The following KRT17 variants were observed in gnomAD, a reference collection of about 807,000 sequenced individuals.
The protein encoded by KRT17 is keratin 17.
In KRT17, 29 loss-of-function variants were observed where a neutral mutation model predicts 45.6. That is an observed-to-expected ratio of 0.64 (90% CI 0.47 to 0.87). KRT17 has a LOEUF of 0.87. Among genes scored for constraint, KRT17 ranks in the 40% least tolerant of loss-of-function variants. The pLI is 0.00. For missense variants in KRT17, 536 were observed against 577.8 expected (o/e 0.93, Z 0.74); for synonymous variants, 219 against 234.6 (o/e 0.93, Z 0.61).
At position 41,624,545 on chromosome 17, in the gene KRT17, G is replaced by T. The variant is rs1274840027; in HGVS notation, c.-36C>A. On this transcript the variant is annotated 5_prime_UTR_variant, in exon 1 of 8. Coordinates refer to ENST00000311208, the MANE Select transcript of KRT17 (RefSeq NM_000422.3). ...GCAGGAGGCAGGCACACAGGAGAAGGGCTGGAGAGGAGAGGGGCCCCAAGT... is the reference window on the plus strand; with the variant it reads ...GCAGGAGGCAGGCACACAGGAGAAGTGCTGGAGAGGAGAGGGGCCCCAAGT... The T allele has an allele frequency of 6.3e-7, 1 of 1,594,264 alleles. No individual in the cohort carries two copies. Among genetic ancestry groups the T allele is most frequent in the Non-Finnish European group, 8.6e-7 (1 of 1,167,482 alleles).
intron 1 of KRT17, chr17:41,623,391 G>A: frequency 1.3e-5 from 4 of 312,178 alleles, no homozygotes; most frequent in Non-Finnish European, 2.5e-5. Context: ...TCGTTTTACA[G>A]TCAGCTAGAG....
intron 2 of KRT17, among the ~76,000 whole-genome samples, chr17:41,622,718 C>T (rs1908584470): frequency 1.3e-5 from 2 of 152,204 alleles, no homozygotes; most frequent in South Asian, 2.1e-4. Context: ...TTCTCTCTGC[C>T]TCCCGCCTCC....
chr17:41,622,938 G>A lies in KRT17; in HGVS notation c.515+12C>T, dbSNP rs755344152. ...CTGGCCCAGGCTGCCCAAGGCCACA[G>A]CTAGGACTCACTTGGTGCGGAAGTC... On this transcript the variant is annotated intron_variant, in intron 2 of 7. Coordinates refer to ENST00000311208, the MANE Select transcript of KRT17 (RefSeq NM_000422.3). 3.7e-6 allele frequency: 6 copies of A among 1,609,812 alleles called. No homozygotes were observed. In the East Asian group the frequency reaches 1.3e-4, roughly 36 times the overall value.
rs765677970 is a variant in KRT17, at chr17:41,624,105, G to A, written c.405C>T (p.Tyr135=). The A allele has an allele frequency of 5.6e-6, 9 of 1,612,016 alleles. No individual in the cohort carries two copies. The South Asian group carries it at 6.6e-5, about 12-fold the overall frequency. Residue 135 remains tyrosine (Y), a synonymous_variant, in exon 1 of 8, where the codon TAC becomes TAT. Transcript: ENST00000311208. ...TGTTCTGCAGCTCCTCAATTGTCCT[G>A]TAGTACTGGCTGTAGTCACGGGCGG... ...PGPARDYSQY[Y]RTIEELQNKI...
At position 41,621,751 on chromosome 17, in the gene KRT17, T is replaced by C. The variant is rs1268334462; in HGVS notation, c.676A>G (p.Met226Val). 2 of 1,611,990 alleles carry C rather than the reference T, an allele frequency of 1.2e-6. No homozygotes were observed. Among genetic ancestry groups the C allele is most frequent in the Non-Finnish European group, 1.7e-6 (2 of 1,179,852 alleles). ...AYLKKNHEEE[M>V]NALRGQVGGE... ...CCCACCTGGCCTCGCAGGGCGTTCA[T>C]CTCCTATGGAAAAAGGGGATGTGGA... Residue 226 changes from methionine to valine, a missense_variant, in exon 4 of 8, where the codon ATG (methionine) becomes GTG (valine). Physicochemically the swap from Met to Val is conservative, Grantham distance 21 (BLOSUM62 1). Transcript: ENST00000311208.
At position 41,622,436 on chromosome 17, in the gene KRT17, C is replaced by T. The variant is rs1908574209; in HGVS notation, c.591G>A (p.Leu197=). 1 of 1,614,106 alleles carries T rather than the reference C, an allele frequency of 6.2e-7. No homozygotes were observed. Among genetic ancestry groups the T allele is most frequent in the Non-Finnish European group, 8.5e-7 (1 of 1,180,046 alleles). The change falls in exon 3 of 8, where the codon CTG becomes CTA. Residue 197 remains leucine (L), a synonymous_variant. Transcript: ENST00000311208. ...TCTCCAGGTCGGCTCTGGCCAGGGT[C>T]AGCTCATCCAGCACCCTGCGCAGGC... The part of the protein sequence containing the change: ...INGLRRVLDE[L]TLARADLEMQ...
chr17:41,623,272 G>T, intron 1 of KRT17: 1 of 486,596 alleles, frequency 2.1e-6, no homozygotes. Context: ...TAAAGGAGAA[G>T]AGACAGCTGG....
Position 41,620,706 on chromosome 17 carries a change from C to T in KRT17, c.1134G>A (p.Glu378=). ...KILLDVKTRL[E]QEIATYRRLL... is the part of the protein sequence containing the mutation. Reference sequence around the variant, plus strand: ...GGCGGCGGTAGGTGGCAATCTCCTGCTCCAGCCGCGTCTTCACATCCAGCA... The same window carrying T: ...GGCGGCGGTAGGTGGCAATCTCCTGTTCCAGCCGCGTCTTCACATCCAGCA... The change falls in exon 6 of 8, where the codon GAG becomes GAA. Residue 378 remains glutamate (E), a synonymous_variant. Coordinates refer to ENST00000311208, the MANE Select transcript of KRT17 (RefSeq NM_000422.3). The T allele has an allele frequency of 1.9e-6, 3 of 1,612,234 alleles. No homozygotes were observed. The highest frequency in any genetic ancestry group is 2.5e-6 in the Non-Finnish European group (3 of 1,179,872).
In KRT17 at chr17:41,621,689, G is replaced by A. The variant is rs754119683; in HGVS notation, c.738C>T (p.Gly246=). The A allele has an allele frequency of 2.5e-6, 4 of 1,612,202 alleles. No individual in the cohort carries two copies. Among genetic ancestry groups the A allele is most frequent in the South Asian group, 2.2e-5 (2 of 91,000 alleles). Residue 246 remains glycine, a synonymous_variant, in exon 4 of 8, where the codon GGC becomes GGT. Coordinates refer to ENST00000311208, the MANE Select transcript of KRT17 (RefSeq NM_000422.3). ...CGTTGAGGATGCGGCTCAGGTCCACGCCTGGGGCAGCGTCCATCTCCACAT... is the reference window on the plus strand; with the variant it reads ...CGTTGAGGATGCGGCTCAGGTCCACACCTGGGGCAGCGTCCATCTCCACAT... ...EINVEMDAAP[G]VDLSRILNEM... is the part of the protein sequence containing the mutation.
rs543060010 is a variant in KRT17 at position 41,622,251 on chromosome 17, G to A, written c.672+104C>T. The A allele has an allele frequency of 7.1e-5, 103 of 1,459,402 alleles. 1 individual carries two copies. Among genetic ancestry groups the A allele is most frequent in the South Asian group, 4.7e-4 (41 of 87,714 alleles). 90.4% of individuals were successfully genotyped at this position (1,459,402 alleles called of 1,614,324 possible). A position where few individuals can be genotyped will look rare whatever the true frequency, so the allele number is the denominator to read the frequency against. On this transcript the variant is annotated intron_variant, in intron 3 of 7. Transcript: ENST00000311208. The stretch of plus-strand genomic sequence containing the variant: ...GAAGCCCTCTAAGGTGACTAATCCC[G>A]GTGCACCTGCTCTGCTCTCTCCCAC...
chr17:41,622,244 T>A (rs1908566905), intron 3 of KRT17, 111 bp downstream of exon 3: 2 of 1,418,478 alleles, frequency 1.4e-6, no homozygotes, highest in Admixed American at 3.4e-5. Context: ...CTAAGGTGAC[T>A]AATCCCGGTG....
At chr17:41,622,247 T>A (rs1350248505) in intron 3 of KRT17, 108 bp downstream of exon 3, 3 of 1,440,434 alleles carry the variant, frequency 2.1e-6, no homozygotes, top group Non-Finnish European at 2.9e-6. Flanking sequence ...AGGTGACTAA[T>A]CCCGGTGCAC....
chr17:41,621,542 C>T (rs754835094), intron 4 of KRT17, 51 bp downstream of exon 4: 2 of 1,609,316 alleles, frequency 1.2e-6, no homozygotes, highest in Admixed American at 3.3e-5. Flanking sequence ...AGTGCTAAGG[C>T]CCCTGAGCCC....
chr17:41,621,000 G>A lies in KRT17; in HGVS notation c.926C>T (p.Ala309Val). The A allele has an allele frequency of 6.2e-7, 1 of 1,613,638 alleles. No individual in the cohort carries two copies. Residue 309 changes from alanine to valine, a missense_variant, in exon 5 of 8, where the codon GCC (alanine) becomes GTC (valine). Coordinates refer to ENST00000311208, the MANE Select transcript of KRT17 (RefSeq NM_000422.3). The stretch of plus-strand genomic sequence containing the variant: ...CTGGGACTGCAGCTCTATCTCCAAG[G>A]CCTGCATGGTGCGCCGGAGCTCCGA... ...EISELRRTMQ[A>V]LEIELQSQLS...
In KRT17 at chr17:41,621,090, G is replaced by C. The variant is rs1171580393; in HGVS notation, c.836C>G (p.Thr279Arg). 2 of 1,613,840 alleles carry C rather than the reference G, an allele frequency of 1.2e-6. No homozygotes were observed. Among genetic ancestry groups the C allele is most frequent in the South Asian group, 2.2e-5 (2 of 91,046 alleles). Residue 279 changes from threonine to arginine, a missense_variant and splice_region_variant, in exon 5 of 8, where the codon ACA becomes AGA. Transcript: ENST00000311208. ...KDAEDWFFSK[T>R]EELNREVATN... ...GGCCACCTCGCGGTTCAGTTCCTCTGTCTGCAGACAGGACACAGGACAGGG... is the reference window on the plus strand; with the variant it reads ...GGCCACCTCGCGGTTCAGTTCCTCTCTCTGCAGACAGGACACAGGACAGGG...
At chr17:41,621,535 G>A (rs1908542018) in intron 4 of KRT17, 58 bp downstream of exon 4, 8 of 1,606,226 alleles carry the variant, frequency 5.0e-6, no homozygotes, top group South Asian at 1.1e-5. Flanking sequence ...TACTGTCAGT[G>A]CTAAGGCCCC....
chr17:41,622,367 C>T lies in KRT17; in HGVS notation c.660G>A (p.Lys220=). ...NLKEELAYLK[K]NHEEEMNALR... ...CCAGCCACCTCACCTCCTCGTGGTT[C>T]TTCTTCAGGTAGGCCAGCTCCTCCT... The change falls in exon 3 of 8, where the codon AAG becomes AAA. Residue 220 remains lysine, a synonymous_variant. Transcript: ENST00000311208. The T allele has an allele frequency of 6.2e-7, 1 of 1,613,574 alleles. No individual in the cohort carries two copies.
rs781364097 is a variant in KRT17 at position 41,624,463 on chromosome 17, C to G, written c.47G>C (p.Gly16Ala). The change falls in exon 1 of 8, where the codon GGC (glycine) becomes GCC (alanine). Residue 16 changes from glycine (G) to alanine (A), a missense_variant. Coordinates refer to ENST00000311208, the MANE Select transcript of KRT17 (RefSeq NM_000422.3). ...CGAGCCGCCCCCCAGGCCGGAGGAGCCCTTGATGGAGCTGGAGGAGGTGAA... is the reference window on the plus strand; with the variant it reads ...CGAGCCGCCCCCCAGGCCGGAGGAGGCCTTGATGGAGCTGGAGGAGGTGAA... Reference protein sequence around the residue: ...RQFTSSSSIKGSSGLGGGSSR... With the variant: ...RQFTSSSSIKASSGLGGGSSR... 8.1e-6 allele frequency: 13 copies of G among 1,610,464 alleles called. No individual in the cohort carries two copies. The highest frequency in any genetic ancestry group is 1.1e-5 in the South Asian group (1 of 90,940).
intron 7 of KRT17, chr17:41,620,168 C>A (rs1308941088): frequency 5.1e-6 from 5 of 985,270 alleles, no homozygotes; most frequent in Non-Finnish European, 6.0e-6. Context: ...TATCTCCCAT[C>A]AGGCTACAGA....
Sources: allele counts gnomAD v4.1 joint callset (sites outside exome capture counted in the v4.1 genomes callset), GRCh38; gene constraint gnomAD v4.1.1; transcripts MANE v1.5; gene names NCBI Gene and HGNC (gene_info 2026-07-23, HGNC 2026-07-21).